Variants in POLA1 observed in about 807,000 individuals in gnomAD.
POLA1 encodes DNA polymerase alpha catalytic subunit.
In POLA1, 15 loss-of-function variants were observed where a neutral mutation model predicts 124.0. That is an observed-to-expected ratio of 0.12 (90% confidence interval 0.08 to 0.19). POLA1 has a LOEUF of 0.19. Among genes scored for constraint, POLA1 ranks in the 10% least tolerant of loss-of-function variants. The probability of loss-of-function intolerance (pLI) is 1.00; values close to 1 mark genes in which losing one functional copy is unlikely to be tolerated. For synonymous variants in POLA1, 408 were observed against 389.4 expected, an observed-to-expected ratio of 1.05 and a Z score of -0.56; for missense variants, 886 against 1,103.4, an observed-to-expected ratio of 0.80 and a Z score of 2.79.
chrX:24,897,824 G>T (rs1309818962), intron 35 of POLA1, among the ~76,000 whole-genome samples: 1 of 112,244 alleles, frequency 8.9e-6, no homozygotes, highest in Admixed American at 9.4e-5. Flanking sequence ...TCCTGTCACC[G>T]ATACCCTCTA....
intron 34 of POLA1, among the ~76,000 whole-genome samples, chrX:24,869,326 G>T (rs1269673577): frequency 8.9e-6 from 1 of 112,479 alleles, no homozygotes; most frequent in African/African-American, 3.2e-5. Context: ...AAGAGGCAGG[G>T]TAGGTACACT....
chrX:24,707,206 A>G (rs887831711), intron 4 of POLA1, among the ~76,000 whole-genome samples: 1 of 112,021 alleles, frequency 8.9e-6, no homozygotes, highest in Non-Finnish European at 1.9e-5. Context: ...TTACGGTTCT[A>G]TTGTTAATTG....
intron 36 of POLA1, among the ~76,000 whole-genome samples, chrX:24,955,793 G>A (rs906423983): frequency 2.7e-5 from 3 of 111,884 alleles, no homozygotes; most frequent in African/African-American, 6.5e-5. Context: ...TTCTGTTGCA[G>A]TCTAGGGTTT....
intron 36 of POLA1, among the ~76,000 whole-genome samples, chrX:24,949,819 C>T: frequency 9.3e-6 from 1 of 107,567 alleles, no homozygotes; most frequent in Middle Eastern, 4.8e-3. Flanking sequence ...ACTGCAACCT[C>T]CACCTCCCGG....
At chrX:24,878,396 G>A (rs977697767) in intron 34 of POLA1, among the ~76,000 whole-genome samples, 2 of 111,439 alleles carry the variant, frequency 1.8e-5, no homozygotes, top group Non-Finnish European at 3.8e-5. Flanking sequence ...CTGGTAAGAA[G>A]GTTTTAAGCA....
chrX:24,765,581 G>A (rs939048821), intron 26 of POLA1, among the ~76,000 whole-genome samples: 5 of 111,460 alleles, frequency 4.5e-5, no homozygotes, highest in African/African-American at 1.6e-4. Flanking sequence ...ACAGGCGTGA[G>A]CCACTGCGCC....
At chrX:24,699,288 T>C in intron 1 of POLA1, 137 bp from the exon 2 acceptor site, 1 of 416,536 alleles carries the variant, frequency 2.4e-6, no homozygotes, top group Non-Finnish European at 3.9e-6. Flanking sequence ...TTGTGAATTA[T>C]TTACATTATA....
intron 34 of POLA1, among the ~76,000 whole-genome samples, chrX:24,882,005 A>T (rs1009047400): frequency 3.6e-5 from 4 of 111,147 alleles, no homozygotes; most frequent in Non-Finnish European, 7.5e-5. Context: ...AAGGTGTGTG[A>T]TTGGGAGATG....
In POLA1 at chrX:24,789,011, G is replaced by A. The variant is rs778050539; in HGVS notation, c.2965-20887G>A. The stretch of plus-strand genomic sequence containing the variant: ...ATACCCCTCGATGTAGCTCTTGTCC[G>A]CCAGGTAATCGTTGAGCACCTGGAG... On this transcript the variant is annotated intron_variant, in intron 26 of 36. Coordinates refer to ENST00000379068, the MANE Select transcript of POLA1 (RefSeq NM_001330360.2). 3.4e-5 allele frequency: 41 copies of A among 1,207,859 alleles called. No individual in the cohort carries two copies. In the African/African-American group the frequency reaches 3.7e-4, roughly 11 times the overall value.
At chrX:24,965,917 A>G (rs2048216260) in intron 36 of POLA1, among the ~76,000 whole-genome samples, 1 of 111,812 alleles carries the variant, frequency 8.9e-6, no homozygotes, top group African/African-American at 3.2e-5. Context: ...AAAATAAACA[A>G]AGGTATCAAA....
chrX:24,993,278 T>TTGTGG (rs1284290137), intron 36 of POLA1, among the ~76,000 whole-genome samples: 1 of 112,178 alleles, frequency 8.9e-6, no homozygotes, highest in Admixed American at 9.4e-5. Flanking sequence ...AAGGTTGGCT[T>TTGTGG]TGTGGTGCTG....
intron 32 of POLA1, 125 bp from the exon 33 acceptor site, chrX:24,841,527 T>G: frequency 2.5e-6 from 1 of 395,626 alleles, no homozygotes; most frequent in Non-Finnish European, 4.3e-6. Flanking sequence ...TTTGTCCATG[T>G]GCTTTTGAGT....
chrX:24,742,800 G>T (rs191310119), intron 22 of POLA1, among the ~76,000 whole-genome samples: 2 of 111,588 alleles, frequency 1.8e-5, no homozygotes, highest in Non-Finnish European at 3.8e-5. Flanking sequence ...TTGTTTTATG[G>T]TGTCCATATT....
rs113022141 is a variant in POLA1 at position 24,768,142 on chromosome X, T to A, written c.2964+19150T>A. ...TTGGAGCCATTTTTGTTTGAAAGGA[T>A]GTGTACTGTATTAGTGTGTGTCATC... On this transcript the variant is annotated intron_variant, in intron 26 of 36. Transcript: ENST00000379068. 7.4e-3 allele frequency among the ~76,000 whole-genome samples: 838 copies of A among 112,499 alleles called. 5 individuals are homozygous for A. Among genetic ancestry groups the A allele is most frequent in the African/African-American group, 0.025 (777 of 30,979 alleles).
chrX:24,908,276 C>T (rs963530063), intron 35 of POLA1, among the ~76,000 whole-genome samples: 2 of 109,385 alleles, frequency 1.8e-5, no homozygotes, highest in African/African-American at 3.3e-5. Flanking sequence ...TTAGGGTACA[C>T]GTGTACAACG....
At chrX:24,696,551 G>A (rs765395323) in intron 1 of POLA1, among the ~76,000 whole-genome samples, 29 of 111,733 alleles carry the variant, frequency 2.6e-4, no homozygotes, top group African/African-American at 9.1e-4. Flanking sequence ...AATCGGTAGC[G>A]CCTATTTTAT....
At chrX:24,924,183 C>T (rs981010977) in intron 35 of POLA1, among the ~76,000 whole-genome samples, 3 of 111,929 alleles carry the variant, frequency 2.7e-5, no homozygotes, top group Admixed American at 9.5e-5. Flanking sequence ...AATTGGGAAA[C>T]GTATAGGATC....
At chrX:24,788,639 A>G (rs768838382) in intron 26 of POLA1, 1 of 1,194,492 alleles carries the variant, frequency 8.4e-7, no homozygotes, top group Non-Finnish European at 1.1e-6. Flanking sequence ...TTTCACATCT[A>G]GTAAGATGGA....
intron 34 of POLA1, among the ~76,000 whole-genome samples, chrX:24,886,757 G>A (rs971840381): frequency 5.3e-5 from 6 of 112,174 alleles, no homozygotes; most frequent in Admixed American, 9.5e-5. Flanking sequence ...TCTAGAAATA[G>A]GATATGTGGT....
Sources: allele counts gnomAD v4.1 joint callset (sites outside exome capture counted in the v4.1 genomes callset), GRCh38; gene constraint gnomAD v4.1.1; transcripts MANE v1.5; gene names NCBI Gene and HGNC (gene_info 2026-07-23, HGNC 2026-07-21).